Variants in M1AP observed in about 807,000 individuals in gnomAD.
The protein encoded by M1AP is meiosis 1 arrest protein.
Under a neutral mutation model 51.2 loss-of-function variants are expected in M1AP, and 39 were observed. The observed-to-expected ratio is 0.76, with a 90% CI of 0.59 to 1.00. The LOEUF (loss-of-function observed/expected upper bound fraction) is 1.00, where lower values mean the gene tolerates loss of function less well. M1AP is among the 50% of genes least tolerant of loss of function. The probability of loss-of-function intolerance (pLI) is 0.00; values close to 1 mark genes in which losing one functional copy is unlikely to be tolerated. For synonymous variants in M1AP, 251 were observed against 249.2 expected, an observed-to-expected ratio of 1.01 and a Z score of -0.07; for missense variants, 545 against 641.2, an observed-to-expected ratio of 0.85 and a Z score of 1.62.
At chr2:74,639,842 A>G (rs1349201627) in intron 2 of M1AP, among the ~76,000 whole-genome samples, 194 bp downstream of exon 2, 1 of 152,044 alleles carries the variant, frequency 6.6e-6, no homozygotes, top group Non-Finnish European at 1.5e-5. Context: ...ATAATTTTGG[A>G]TTTTCTCTTC....
At chr2:74,607,821 A>T (rs1681109841) in intron 3 of M1AP, among the ~76,000 whole-genome samples, 1 of 152,168 alleles carries the variant, frequency 6.6e-6, no homozygotes, top group African/African-American at 2.4e-5. Context: ...TAAAGACTGG[A>T]CGGTAATCAT....
rs751727560 is a variant in M1AP at position 74,576,494 on chromosome 2, GGAAGCC to G, written c.888_893del (p.Met296_Ser298delinsIle). On this transcript the variant is annotated inframe_deletion, in exon 6 of 11. Coordinates refer to ENST00000421985, the MANE Select transcript of M1AP (RefSeq NM_001321739.2). Reference sequence around the variant, plus strand: ...GCTTGTAATGAGAGGCCGATGACTGGGAAGCCATCTGGTAGAGTGTGATGAAGTCTC... The same window carrying G: ...GCTTGTAATGAGAGGCCGATGACTGGATCTGGTAGAGTGTGATGAAGTCTC... 1.4e-5 allele frequency: 23 copies of G among 1,613,852 alleles called. No homozygotes were observed. Among genetic ancestry groups the G allele is most frequent in the Non-Finnish European group, 1.9e-5 (23 of 1,179,968 alleles).
intron 2 of M1AP, among the ~76,000 whole-genome samples, chr2:74,636,660 A>C (rs536390563): frequency 1.3e-5 from 2 of 152,246 alleles, no homozygotes; most frequent in South Asian, 4.1e-4. Context: ...CACATTGTAC[A>C]TAGAAACTTA....
intron 7 of M1AP, among the ~76,000 whole-genome samples, chr2:74,570,846 C>A (rs1678690666): frequency 6.6e-6 from 1 of 152,024 alleles, no homozygotes; most frequent in Non-Finnish European, 1.5e-5. Context: ...TGAGTAGTGG[C>A]AGAATCAGTG....
chr2:74,585,171 G>A (rs954561581), intron 4 of M1AP, among the ~76,000 whole-genome samples: 2 of 152,136 alleles, frequency 1.3e-5, no homozygotes, highest in African/African-American at 4.8e-5. Flanking sequence ...GAATGAATGT[G>A]TCTATTGGAA....
At chr2:74,563,839 AG>A (rs1678200742) in intron 7 of M1AP, among the ~76,000 whole-genome samples, 1 of 152,196 alleles carries the variant, frequency 6.6e-6, no homozygotes, top group African/African-American at 2.4e-5. Context: ...ACTTCTGAGA[AG>A]ATTTTGTAGA....
At chr2:74,613,937 C>T (rs1011044055) in intron 3 of M1AP, among the ~76,000 whole-genome samples, 2 of 152,192 alleles carry the variant, frequency 1.3e-5, no homozygotes, top group African/African-American at 2.4e-5. Context: ...TATAGGTGCA[C>T]ACCACCAAGC....
chr2:74,577,123 T>C (rs1679123397), intron 5 of M1AP, among the ~76,000 whole-genome samples: 1 of 152,198 alleles, frequency 6.6e-6, no homozygotes, highest in Non-Finnish European at 1.5e-5. Flanking sequence ...GTCAGATGAC[T>C]GCTACTGTTT....
At chr2:74,592,588 C>T (rs920177223) in intron 4 of M1AP, among the ~76,000 whole-genome samples, 3 of 151,738 alleles carry the variant, frequency 2.0e-5, no homozygotes, top group South Asian at 2.1e-4. Flanking sequence ...AATACTTTCT[C>T]CTGGTTTTTC....
intron 4 of M1AP, among the ~76,000 whole-genome samples, chr2:74,602,622 G>C (rs939648055): frequency 3.9e-5 from 6 of 152,148 alleles, no homozygotes; most frequent in African/African-American, 1.2e-4. Context: ...AATGAGAGAA[G>C]CTGCTGTTGC....
chr2:74,622,074 C>G (rs1331545846), intron 2 of M1AP, among the ~76,000 whole-genome samples: 1 of 151,206 alleles, frequency 6.6e-6, no homozygotes, highest in African/African-American at 2.4e-5. Flanking sequence ...GAGCTGAGAT[C>G]ATGCCACTGC....
chr2:74,575,269 C>G lies in M1AP; in HGVS notation c.1074+169G>C, dbSNP rs967645199. 2.1e-6 allele frequency: 3 copies of G among 1,420,788 alleles called. No individual in the cohort carries two copies. In the African/African-American group the frequency reaches 4.3e-5, roughly 21 times the overall value. 88.0% of individuals were successfully genotyped at this position (1,420,788 alleles called of 1,614,324 possible). ...GGAATTATTCTCTATAGCATGAAAC[C>G]AACAAAAGGCAAGTCATATTTACTC... On this transcript the variant is annotated intron_variant, in intron 7 of 10. Transcript: ENST00000421985.
chr2:74,639,897 T>C, intron 2 of M1AP, 139 bp downstream of exon 2: 1 of 735,526 alleles, frequency 1.4e-6, no homozygotes, highest in South Asian at 1.8e-5. Context: ...CTGGCTCTCA[T>C]GGTGTTACTC....
At position 74,559,698 on chromosome 2, in the gene M1AP, C is replaced by G; in HGVS notation, c.1434G>C (p.Lys478Asn). 1 of 718,490 alleles carries G rather than the reference C, an allele frequency of 1.4e-6. No individual in the cohort carries two copies. The highest frequency in any genetic ancestry group is 1.5e-5 in the South Asian group (1 of 67,586). 44.5% of individuals were successfully genotyped at this position (718,490 alleles called of 1,614,324 possible). A position where few individuals can be genotyped will look rare whatever the true frequency, so the allele number is the denominator to read the frequency against. The change falls in exon 10 of 11, where the codon AAG (lysine) becomes AAC (asparagine). Residue 478 changes from lysine to asparagine, a missense_variant and splice_region_variant. Coordinates refer to ENST00000421985, the MANE Select transcript of M1AP (RefSeq NM_001321739.2). ...CATCTGTAAATGAGCAAACACTTAC[C>G]TTGCAGGGATGCTGTGAGGATTAAA... Reference protein sequence around the residue: ...ESRAPRKHPCKTGQLQTNRAR... With the variant: ...ESRAPRKHPCNTGQLQTNRAR...
At position 74,627,295 on chromosome 2, in the gene M1AP, T is replaced by C. The variant is rs543697690; in HGVS notation, c.241-12146A>G. Among the ~76,000 whole-genome samples, 7 of 152,282 alleles carry C rather than the reference T, an allele frequency of 4.6e-5. No individual in the cohort carries two copies. The East Asian group carries it at 1.2e-3, about 25-fold the overall frequency. On this transcript the variant is annotated intron_variant, in intron 2 of 10. Transcript: ENST00000421985. ...TATTGTGATGAAAAATTTTCTTCCA[T>C]TATAACTTTTAACTTGTTGCTCTTA...
intron 2 of M1AP, among the ~76,000 whole-genome samples, chr2:74,629,222 T>C (rs542636639): frequency 2.6e-5 from 4 of 152,326 alleles, no homozygotes; most frequent in African/African-American, 7.2e-5. Context: ...ATTATATTAA[T>C]AGATTTTCTA....
At position 74,558,644 on chromosome 2, in the gene M1AP, C is replaced by T. The variant is rs1448741018; in HGVS notation, c.*72G>A. The T allele has an allele frequency of 6.4e-7, 1 of 1,561,784 alleles. No individual in the cohort carries two copies. Among genetic ancestry groups the T allele is most frequent in the East Asian group, 2.3e-5 (1 of 43,142 alleles). ...CAGGCGGATAGAGAGCAAGTCTGAC[C>T]ACAGATAGCCATTATGTGAACCTGA... On this transcript the variant is annotated 3_prime_UTR_variant, in exon 11 of 11. Coordinates refer to ENST00000421985, the MANE Select transcript of M1AP (RefSeq NM_001321739.2).
At chr2:74,607,290 T>C in intron 3 of M1AP, 67 bp from the exon 4 acceptor site, 1 of 1,499,488 alleles carries the variant, frequency 6.7e-7, no homozygotes, top group South Asian at 1.1e-5. Context: ...ACATAACAGT[T>C]CCTACCCGGA....
chr2:74,558,961 CTT>C (rs2104485497), intron 10 of M1AP, 87 bp from the exon 11 acceptor site: 1 of 1,310,264 alleles, frequency 7.6e-7, no homozygotes, highest in East Asian at 2.6e-5. Context: ...TGTCCTAACT[CTT>C]TCCTAAGTTC....
Sources: gnomAD v4.1 joint callset for allele counts (sites outside exome capture counted in the v4.1 genomes callset) on GRCh38, gnomAD v4.1.1 for gene constraint, MANE v1.5 for transcripts, NCBI Gene and HGNC (gene_info 2026-07-23, HGNC 2026-07-21) for gene names.